SYT16: variants seen among roughly 807,000 people sequenced by gnomAD.
SYT16 encodes the protein synaptotagmin-16.
SYT16 carries 42 observed loss-of-function variants against 61.4 expected under a neutral mutation model. The ratio of observed to expected loss-of-function variants is 0.68; its 90% CI spans 0.53 to 0.89. SYT16 has a LOEUF of 0.89. Among genes scored for constraint, SYT16 ranks in the 40% least tolerant of loss-of-function variants. The pLI, the probability that SYT16 is intolerant of heterozygous loss-of-function variation, is 0.00. For synonymous variants in SYT16, 314 were observed against 302.3 expected, an observed-to-expected ratio of 1.04 and a Z score of -0.40; for missense variants, 804 against 807.3, an observed-to-expected ratio of 1.00 and a Z score of 0.05.
At chr14:62,025,042 A>ACC (rs1206689898) in intron 3 of SYT16, among the ~76,000 whole-genome samples, 1 of 152,082 alleles carries the variant, frequency 6.6e-6, no homozygotes, top group Non-Finnish European at 1.5e-5. Flanking sequence ...CTACTGAAGG[A>ACC]CATCTTGGTT....
intron 6 of SYT16, 65 bp from the exon 7 acceptor site, chr14:62,084,131 G>T: frequency 6.5e-7 from 1 of 1,533,886 alleles, no homozygotes. Flanking sequence ...ACATAATATC[G>T]GCTTTCTCTA....
rs1224016336 is a variant in SYT16 at position 62,102,855 on chromosome 14, A to C, written c.*2148A>C. 6.6e-6 allele frequency: 1 copy of C among 152,064 alleles called. No individual in the cohort carries two copies. Among genetic ancestry groups the C allele is most frequent in the Admixed American group, 6.6e-5 (1 of 15,250 alleles). The allele number at this position is 152,064 out of a possible 1,614,324, so 9.4% of individuals were successfully genotyped here. On this transcript the variant is annotated 3_prime_UTR_variant, in exon 8 of 8. Coordinates refer to ENST00000683842, the MANE Select transcript of SYT16 (RefSeq NM_001367656.1). ...CATTTTCTGTTCCCAAGACCCACCC[A>C]TTTTTAAGGTTTTCGGCTGGTGTAG...
chr14:61,930,766 C>A (rs547232502), intron 1 of SYT16, among the ~76,000 whole-genome samples: 1 of 151,792 alleles, frequency 6.6e-6, no homozygotes, highest in African/African-American at 2.4e-5. Flanking sequence ...GGGAAGCAGA[C>A]GAAGAGGTCA....
intron 7 of SYT16, among the ~76,000 whole-genome samples, chr14:62,094,026 G>C (rs534956973): frequency 6.6e-6 from 1 of 152,238 alleles, no homozygotes; most frequent in African/African-American, 2.4e-5. Flanking sequence ...GCATGGAAAG[G>C]GAAGAGACAG....
In SYT16 at chr14:62,105,771, G is replaced by C. The variant is rs1468986197; in HGVS notation, c.*5064G>C. 2 of 152,212 alleles carry C rather than the reference G, an allele frequency of 1.3e-5. No homozygotes were observed. The highest frequency in any genetic ancestry group is 2.9e-5 in the Non-Finnish European group (2 of 68,026). 9.4% of individuals were successfully genotyped at this position (152,212 alleles called of 1,614,324 possible). A position where few individuals can be genotyped will look rare whatever the true frequency, so the allele number is the denominator to read the frequency against. Reference sequence around the variant, plus strand: ...CAGTGTAACCAGGTGCCATGAGTCAGTCATGTGCTACTTGTGGTTTTAAAC... The same window carrying C: ...CAGTGTAACCAGGTGCCATGAGTCACTCATGTGCTACTTGTGGTTTTAAAC... On this transcript the variant is annotated 3_prime_UTR_variant, in exon 8 of 8. Coordinates refer to ENST00000683842, the MANE Select transcript of SYT16 (RefSeq NM_001367656.1).
In SYT16 at chr14:62,102,650, G is replaced by A. The variant is rs1021958171; in HGVS notation, c.*1943G>A. ...TTACTCTTTATGCCTTGTGTTTAAA[G>A]GGAAGTAGAACAGCCTCGCTATGCT... On this transcript the variant is annotated 3_prime_UTR_variant, in exon 8 of 8. Coordinates refer to ENST00000683842, the MANE Select transcript of SYT16 (RefSeq NM_001367656.1). 6.6e-6 allele frequency: 1 copy of A among 152,144 alleles called. No individual in the cohort carries two copies. The highest frequency in any genetic ancestry group is 6.6e-5 in the Admixed American group (1 of 15,256). 9.4% of individuals were successfully genotyped at this position (152,144 alleles called of 1,614,324 possible). A position where few individuals can be genotyped will look rare whatever the true frequency, so the allele number is the denominator to read the frequency against.
At chr14:62,029,568 G>A (rs761572864) in intron 3 of SYT16, among the ~76,000 whole-genome samples, 2 of 152,162 alleles carry the variant, frequency 1.3e-5, no homozygotes, top group Admixed American at 1.3e-4. Flanking sequence ...GAATAGCACA[G>A]TTCTTTGAAA....
chr14:61,893,876 G>A (rs2048225966), intron 1 of SYT16, among the ~76,000 whole-genome samples: 1 of 152,244 alleles, frequency 6.6e-6, no homozygotes, highest in Admixed American at 6.5e-5. Flanking sequence ...GCATCTGAGA[G>A]CCTGTGGCTC....
intron 1 of SYT16, among the ~76,000 whole-genome samples, chr14:61,876,491 C>T (rs1310706927): frequency 6.6e-6 from 1 of 152,192 alleles, no homozygotes; most frequent in East Asian, 1.9e-4. Flanking sequence ...TTATCACTGC[C>T]TTGGTGTACA....
intron 1 of SYT16, among the ~76,000 whole-genome samples, chr14:61,962,627 T>C (rs1172259277): frequency 6.6e-6 from 1 of 152,160 alleles, no homozygotes; most frequent in Non-Finnish European, 1.5e-5. Context: ...CTTTTTGGAC[T>C]TCCATAATGC....
chr14:62,105,603 A>T lies in SYT16; in HGVS notation c.*4896A>T. 6.6e-6 allele frequency: 1 copy of T among 152,236 alleles called. No homozygotes were observed. The highest frequency in any genetic ancestry group is 1.9e-4 in the East Asian group (1 of 5,200). The allele number at this position is 152,236 out of a possible 1,614,324, so 9.4% of individuals were successfully genotyped here. On this transcript the variant is annotated 3_prime_UTR_variant, in exon 8 of 8. Coordinates refer to ENST00000683842, the MANE Select transcript of SYT16 (RefSeq NM_001367656.1). ...ACTACTTTTTAAAATGGGTTTTAAG[A>T]GTGGCTTGTTGATATAATAGCGCAT...
intron 3 of SYT16, among the ~76,000 whole-genome samples, chr14:62,035,261 CCA>C: frequency 6.6e-6 from 1 of 152,150 alleles, no homozygotes; most frequent in Non-Finnish European, 1.5e-5. Context: ...TGCAGCAGTT[CCA>C]AGGGCATGTA....
intron 1 of SYT16, among the ~76,000 whole-genome samples, chr14:61,948,392 T>A (rs1490368333): frequency 6.6e-6 from 1 of 151,434 alleles, no homozygotes; most frequent in African/African-American, 2.4e-5. Flanking sequence ...GGTGAAAACT[T>A]GGGCTAGGCT....
intron 5 of SYT16, among the ~76,000 whole-genome samples, chr14:62,079,172 C>T (rs757808894): frequency 6.6e-5 from 10 of 152,142 alleles, no homozygotes; most frequent in Admixed American, 3.3e-4. Context: ...AGACTTGCTT[C>T]TAATATATAT....
At chr14:62,035,069 C>A (rs10498491) in intron 3 of SYT16, among the ~76,000 whole-genome samples, 2 of 152,050 alleles carry the variant, frequency 1.3e-5, no homozygotes, top group Middle Eastern at 3.4e-3. Flanking sequence ...TACATATGTC[C>A]TCTGTTTTTC....
chr14:62,030,348 A>C lies in SYT16; in HGVS notation c.523+33806A>C, dbSNP rs556356805. ...TTTGAAAGTGTTTTAAACAGAACTT[A>C]CTCAGAGAATATTGAAAATGCAACC... On this transcript the variant is annotated intron_variant, in intron 3 of 7. Coordinates refer to ENST00000683842, the MANE Select transcript of SYT16 (RefSeq NM_001367656.1). Among the ~76,000 whole-genome samples, 6 of 152,332 alleles carry C rather than the reference A, an allele frequency of 3.9e-5. No individual in the cohort carries two copies. In the East Asian group the frequency reaches 9.6e-4, roughly 24 times the overall value.
intron 1 of SYT16, among the ~76,000 whole-genome samples, chr14:61,951,648 T>C (rs1351789036): frequency 2.6e-5 from 4 of 152,128 alleles, no homozygotes; most frequent in African/African-American, 9.7e-5. Flanking sequence ...AAAAATATTC[T>C]CTTTTTATGT....
chr14:61,913,681 TAAG>T (rs1566675457), intron 1 of SYT16, among the ~76,000 whole-genome samples: 3 of 149,466 alleles, frequency 2.0e-5, no homozygotes, highest in Non-Finnish European at 4.4e-5. Flanking sequence ...TAGAAGAAAA[TAAG>T]ATCATCCTTC....
At chr14:62,076,764 C>G (rs2056511952) in intron 5 of SYT16, among the ~76,000 whole-genome samples, 1 of 152,212 alleles carries the variant, frequency 6.6e-6, no homozygotes, top group Non-Finnish European at 1.5e-5. Context: ...TTGAATCTCT[C>G]TCCCAAAAAC....
Sources: gnomAD v4.1 joint callset for allele counts (sites outside exome capture counted in the v4.1 genomes callset) on GRCh38, gnomAD v4.1.1 for gene constraint, MANE v1.5 for transcripts, NCBI Gene and HGNC (gene_info 2026-07-23, HGNC 2026-07-21) for gene names.